ANKRD12: variants seen among roughly 807,000 people sequenced by gnomAD.
ANKRD12 encodes ankyrin repeat domain 12, also known as ankyrin repeat domain-containing protein 12.
ANKRD12 carries 85 observed loss-of-function variants against 183.4 expected under a neutral mutation model. The ratio of observed to expected loss-of-function variants is 0.46; its 90% CI spans 0.39 to 0.56. The LOEUF (loss-of-function observed/expected upper bound fraction) is 0.56. ANKRD12 is among the 20% of genes least tolerant of loss of function. The pLI is 0.00. For missense variants in ANKRD12, 2,405 were observed against 2,357.1 expected (o/e 1.02, Z -0.42); for synonymous variants, 914 against 800.2 (o/e 1.14, Z -2.40).
intron 1 of ANKRD12, among the ~76,000 whole-genome samples, chr18:9,157,603 A>ATATG (rs1356730824): frequency 1.2e-5 from 1 of 84,642 alleles, no homozygotes; most frequent in Non-Finnish European, 2.3e-5. Context: ...ATATATATGT[A>ATATG]TTTTTTTTTT....
Position 9,281,306 on chromosome 18 carries a change from A to G in ANKRD12, c.*180A>G, listed in dbSNP as rs1205057440. ...AAATGAGAATTATTTTGGATCTTAG[A>G]TCCAAACACAGTTTCTAATAGAAAA... On this transcript the variant is annotated 3_prime_UTR_variant, in exon 13 of 13. Coordinates refer to ENST00000262126, the MANE Select transcript of ANKRD12 (RefSeq NM_015208.5). The G allele has an allele frequency of 6.1e-6, 3 of 493,920 alleles. No homozygotes were observed. The highest frequency in any genetic ancestry group is 1.0e-5 in the Non-Finnish European group (3 of 287,706). 30.6% of individuals were successfully genotyped at this position (493,920 alleles called of 1,614,324 possible). A position where few individuals can be genotyped will look rare whatever the true frequency, so the allele number is the denominator to read the frequency against.
intron 8 of ANKRD12, among the ~76,000 whole-genome samples, chr18:9,238,788 C>G (rs181580764): frequency 1.8e-4 from 28 of 152,308 alleles, no homozygotes; most frequent in African/African-American, 6.3e-4. Context: ...GAATAAAGAT[C>G]ATAATAGCTG....
intron 8 of ANKRD12, among the ~76,000 whole-genome samples, chr18:9,246,591 C>A (rs899265527): frequency 6.6e-6 from 1 of 152,190 alleles, no homozygotes; most frequent in Non-Finnish European, 1.5e-5. Context: ...AAGCTTGAAT[C>A]TTTTTGTCTT....
chr18:9,211,453 A>G (rs1468227602), intron 5 of ANKRD12, 131 bp from the exon 6 acceptor site: 3 of 749,280 alleles, frequency 4.0e-6, no homozygotes, highest in Non-Finnish European at 6.4e-6. Context: ...ATCCAAGTCA[A>G]GGTTTAGGTT....
intron 8 of ANKRD12, 145 bp downstream of exon 8, chr18:9,222,144 A>C (rs1363440092): frequency 1.9e-5 from 19 of 990,110 alleles, no homozygotes; most frequent in African/African-American, 1.6e-4. Context: ...ACTAGCTAAG[A>C]ATGATGAAGT....
intron 11 of ANKRD12, among the ~76,000 whole-genome samples, chr18:9,277,566 A>T (rs186192663): frequency 9.0e-4 from 137 of 151,642 alleles, no homozygotes; most frequent in African/African-American, 3.2e-3. Flanking sequence ...TGACCTCGTG[A>T]TCCACCCGCC....
intron 3 of ANKRD12, among the ~76,000 whole-genome samples, chr18:9,198,852 A>AT (rs1294437467): frequency 3.3e-5 from 5 of 152,144 alleles, no homozygotes; most frequent in African/African-American, 4.8e-5. Context: ...GGCCTCTAAT[A>AT]ATTACTGATG....
At chr18:9,186,799 C>T (rs7505671) in intron 2 of ANKRD12, among the ~76,000 whole-genome samples, 9,169 of 148,204 alleles carry the variant, frequency 0.062, 330 homozygotes, top group Non-Finnish European at 0.078. Context: ...TTCCCCGGGC[C>T]GGAGTGGAGT....
intron 9 of ANKRD12, among the ~76,000 whole-genome samples, chr18:9,262,578 G>C (rs1266996793): frequency 6.6e-6 from 1 of 151,970 alleles, no homozygotes; most frequent in East Asian, 1.9e-4. Flanking sequence ...TCCCATCTCA[G>C]CCTCCTGAGT....
chr18:9,263,043 A>C (rs1164777551), intron 9 of ANKRD12, among the ~76,000 whole-genome samples: 1 of 151,930 alleles, frequency 6.6e-6, no homozygotes, highest in Non-Finnish European at 1.5e-5. Context: ...TGATCCACCC[A>C]TCTTGGCCTC....
chr18:9,187,616 A>G (rs1034553153), intron 2 of ANKRD12, among the ~76,000 whole-genome samples: 5 of 152,232 alleles, frequency 3.3e-5, no homozygotes, highest in African/African-American at 1.2e-4. Flanking sequence ...CTCTCATTAA[A>G]TATTAAAATA....
intron 10 of ANKRD12, among the ~76,000 whole-genome samples, chr18:9,270,318 G>A (rs954196781): frequency 6.6e-6 from 1 of 152,200 alleles, no homozygotes; most frequent in Non-Finnish European, 1.5e-5. Flanking sequence ...GCACACGTAT[G>A]TTTATTGCGG....
chr18:9,174,375 G>T (rs1327186408), intron 1 of ANKRD12, among the ~76,000 whole-genome samples: 1 of 152,212 alleles, frequency 6.6e-6, no homozygotes, highest in East Asian at 1.9e-4. Flanking sequence ...TTCTCACCTT[G>T]TTGGGATTCC....
chr18:9,195,080 A>C (rs1453785318), intron 2 of ANKRD12, among the ~76,000 whole-genome samples: 1 of 152,230 alleles, frequency 6.6e-6, no homozygotes, highest in Non-Finnish European at 1.5e-5. Flanking sequence ...GAACTAATGC[A>C]GGAATAGAAA....
chr18:9,259,141 T>A (rs1380055995), intron 9 of ANKRD12, among the ~76,000 whole-genome samples: 1 of 152,200 alleles, frequency 6.6e-6, no homozygotes, highest in Admixed American at 6.5e-5. Context: ...TTAGCCGAAA[T>A]AATATGTAGT....
At chr18:9,274,781 A>C (rs531758045) in intron 10 of ANKRD12, among the ~76,000 whole-genome samples, 7 of 152,376 alleles carry the variant, frequency 4.6e-5, no homozygotes, top group African/African-American at 1.7e-4. Context: ...GCCTACTGTG[A>C]AGAAAAGACT....
At chr18:9,209,566 A>G (rs1053864323) in intron 5 of ANKRD12, among the ~76,000 whole-genome samples, 7 of 152,152 alleles carry the variant, frequency 4.6e-5, no homozygotes, top group Non-Finnish European at 1.0e-4. Context: ...AAGAGTTTCT[A>G]AATATTATAA....
intron 5 of ANKRD12, among the ~76,000 whole-genome samples, chr18:9,211,276 T>C (rs2035789532): frequency 6.6e-6 from 1 of 152,184 alleles, no homozygotes; most frequent in African/African-American, 2.4e-5. Context: ...GAAAAATGTT[T>C]CATAGTTCAT....
At chr18:9,280,865 A>T (rs1335568500) in intron 12 of ANKRD12, 76 bp from the exon 13 acceptor site, 6 of 1,398,158 alleles carry the variant, frequency 4.3e-6, no homozygotes, top group Non-Finnish European at 5.9e-6. Flanking sequence ...GTTCCTAAAG[A>T]AACTGGATGA....
Sources: allele counts gnomAD v4.1 joint callset (sites outside exome capture counted in the v4.1 genomes callset), GRCh38; gene constraint gnomAD v4.1.1; transcripts MANE v1.5; gene names NCBI Gene and HGNC (gene_info 2026-07-23, HGNC 2026-07-21).